Variants in KMT2E observed in about 807,000 individuals in gnomAD.
The protein encoded by KMT2E is lysine methyltransferase 2E (inactive), also known as histone reader KMT2E.
Under a neutral mutation model 184.6 loss-of-function variants are expected in KMT2E, and 30 were observed. The ratio of observed to expected loss-of-function variants is 0.16; its 90% CI spans 0.12 to 0.22. The LOEUF is 0.22. Ranked by LOEUF, KMT2E falls within the 10% of genes least tolerant of loss-of-function variation. The pLI is 1.00. For synonymous variants in KMT2E, 815 were observed against 776.5 expected (o/e 1.05, Z -0.82); for missense variants, 2,023 against 2,237.4 (o/e 0.90, Z 1.93).
intron 3 of KMT2E, among the ~76,000 whole-genome samples, chr7:105,042,419 T>C (rs1304054040): frequency 6.6e-6 from 1 of 152,260 alleles, no homozygotes; most frequent in African/African-American, 2.4e-5. Context: ...TATAATGTTC[T>C]GTAAGTGTTA....
At position 105,014,218 on chromosome 7, in the gene KMT2E, G is replaced by GA. The variant is rs1794611156; in HGVS notation, c.-506_-505insA. 5.0e-6 allele frequency: 1 copy of GA among 199,112 alleles called. No individual in the cohort carries two copies. The highest frequency in any genetic ancestry group is 9.7e-6 in the Non-Finnish European group (1 of 103,164). The allele number at this position is 199,112 out of a possible 1,614,324, so 12.3% of individuals were successfully genotyped here. ...CGCCATTTTCCCAGAGCGAGAGGCA[G>GA]TGACACTGAGCGGGCGCAGGGGGCC... is the stretch of plus-strand genomic sequence containing the variant. On this transcript the variant is annotated 5_prime_UTR_variant, in exon 1 of 27. It adds an upstream start codon to the 5' untranslated region. Transcript: ENST00000311117.
Position 105,016,772 on chromosome 7 carries a change from A to G in KMT2E, c.-189+2237A>G, listed in dbSNP as rs559446237. Among the ~76,000 whole-genome samples, 5 of 152,294 alleles carry G rather than the reference A, an allele frequency of 3.3e-5. No homozygotes were observed. The South Asian group carries it at 8.3e-4, about 25-fold the overall frequency. On this transcript the variant is annotated intron_variant, in intron 1 of 26. Coordinates refer to ENST00000311117, the MANE Select transcript of KMT2E (RefSeq NM_182931.3). ...AAGGTTGAAGAGTATACACTGTTTC[A>G]TGATTCTTTTATTCCATTGTAAATA...
At chr7:105,066,565 T>G (rs1035965524) in intron 5 of KMT2E, among the ~76,000 whole-genome samples, 162 bp from the exon 6 acceptor site, 1 of 152,166 alleles carries the variant, frequency 6.6e-6, no homozygotes, top group Non-Finnish European at 1.5e-5. Context: ...TCTCAAAATT[T>G]TATCGCCTTG....
At chr7:105,065,864 A>C (rs1040920371) in intron 5 of KMT2E, among the ~76,000 whole-genome samples, 1 of 152,206 alleles carries the variant, frequency 6.6e-6, no homozygotes, top group Non-Finnish European at 1.5e-5. Flanking sequence ...TTTTGGAGTC[A>C]GGCATATATA....
intron 4 of KMT2E, 151 bp from the exon 5 acceptor site, chr7:105,063,200 A>C (rs913536179): frequency 6.9e-6 from 4 of 577,022 alleles, no homozygotes; most frequent in Admixed American, 3.7e-5. Context: ...GGCTTCACCA[A>C]GTCATTTTTT....
intron 3 of KMT2E, among the ~76,000 whole-genome samples, chr7:105,052,989 C>T (rs1255484317): frequency 6.6e-6 from 1 of 152,134 alleles, no homozygotes; most frequent in Non-Finnish European, 1.5e-5. Context: ...GATAGAACTA[C>T]AGCTAAACGT....
intron 7 of KMT2E, among the ~76,000 whole-genome samples, chr7:105,074,000 T>A (rs892089692): frequency 1.3e-5 from 2 of 152,214 alleles, no homozygotes; most frequent in African/African-American, 4.8e-5. Context: ...AAAGATATGA[T>A]CCATTAGTTT....
intron 11 of KMT2E, 123 bp downstream of exon 11, chr7:105,077,556 C>A: frequency 1.4e-6 from 1 of 725,986 alleles, no homozygotes; most frequent in Non-Finnish European, 2.3e-6. Flanking sequence ...GTATTTAAAG[C>A]TGTAGTGTGG....
chr7:105,041,134 T>A, intron 3 of KMT2E, 111 bp downstream of exon 3: 1 of 584,984 alleles, frequency 1.7e-6, no homozygotes, highest in Non-Finnish European at 2.8e-6. Context: ...TTCCTAGCCA[T>A]TTTTTAAAGT....
intron 3 of KMT2E, among the ~76,000 whole-genome samples, chr7:105,047,396 C>T (rs113442058): frequency 0.022 from 3,340 of 152,288 alleles, 43 homozygotes; most frequent in Middle Eastern, 0.048. Flanking sequence ...CCTTGTAAGG[C>T]GGCCTTTCTA....
In KMT2E at chr7:105,113,049, G is replaced by T; in HGVS notation, c.5293G>T (p.Ala1765Ser). 1 of 1,613,988 alleles carries T rather than the reference G, an allele frequency of 6.2e-7. No homozygotes were observed. The highest frequency in any genetic ancestry group is 1.3e-5 in the African/African-American group (1 of 74,952). The stretch of plus-strand genomic sequence containing the variant: ...AACTGTACCACCGTATCCCTCACAA[G>T]CTACACATCATACCACTTTGGGACC... ...HPTVPPYPSQ[A>S]THHTTLGPGP... The change falls in exon 27 of 27, where the codon GCT becomes TCT. Residue 1765 changes from alanine to serine, a missense_variant. Transcript: ENST00000311117.
chr7:105,071,109 A>T (rs545706539), intron 6 of KMT2E, among the ~76,000 whole-genome samples: 40 of 152,098 alleles, frequency 2.6e-4, no homozygotes, highest in Non-Finnish European at 5.7e-4. Flanking sequence ...GAGTCTTCAC[A>T]TTTCTTTTCT....
chr7:105,110,717 AAC>A (rs1799196952), intron 25 of KMT2E, 52 bp from the exon 26 acceptor site: 9 of 1,583,642 alleles, frequency 5.7e-6, no homozygotes, highest in African/African-American at 2.7e-5. Context: ...GTGGTGTTAA[AAC>A]AGTGTTTATT....
chr7:105,037,486 C>G (rs1173698295), intron 1 of KMT2E, among the ~76,000 whole-genome samples: 25 of 152,174 alleles, frequency 1.6e-4, no homozygotes, highest in Non-Finnish European at 4.4e-5. Context: ...TCTCAGCCTC[C>G]CAAGTAACTG....
Position 105,110,142 on chromosome 7 carries a change from T to C in KMT2E, c.3756-138T>C. The C allele has an allele frequency of 5.6e-6, 4 of 714,626 alleles. No homozygotes were observed. The East Asian group carries it at 1.1e-4, about 19-fold the overall frequency. The allele number at this position is 714,626 out of a possible 1,614,324, so 44.3% of individuals were successfully genotyped here. A position where few individuals can be genotyped will look rare whatever the true frequency, so the allele number is the denominator to read the frequency against. On this transcript the variant is annotated intron_variant, in intron 23 of 26. Transcript: ENST00000311117. ...GCCACTGTGCCCTGCCAAGATTAAC[T>C]ATTTTCAAAGGTTAACACCAAAGTA...
intron 5 of KMT2E, 108 bp downstream of exon 5, chr7:105,063,688 T>C: frequency 1.1e-5 from 8 of 711,778 alleles, no homozygotes; most frequent in Non-Finnish European, 1.6e-5. Flanking sequence ...GGATACATAT[T>C]TTAAGTGGGA....
rs1562898146 is a variant in KMT2E, at chr7:105,059,975, G to GTTTTTTTTTTTT, written c.72-2187_72-2186insTTTTTTTTTTTT. Among the ~76,000 whole-genome samples, 20 of 45,610 alleles carry GTTTTTTTTTTTT rather than the reference G, an allele frequency of 4.4e-4. 1 individual carries two copies. Among genetic ancestry groups the GTTTTTTTTTTTT allele is most frequent in the South Asian group, 9.0e-4 (1 of 1,114 alleles). 29.9% of individuals were successfully genotyped at this position (45,610 alleles called of 152,430 possible). A position where few individuals can be genotyped will look rare whatever the true frequency, so the allele number is the denominator to read the frequency against. ...TTAGCTGAATATTGATTTTCTTGTT[G>GTTTTTTTTTTTT]TTGTTTTTTTTTTTTTTTTTTTTTT... On this transcript the variant is annotated intron_variant, in intron 3 of 26. Transcript: ENST00000311117.
chr7:105,097,540 C>T (rs890704011), intron 15 of KMT2E, among the ~76,000 whole-genome samples: 1 of 152,120 alleles, frequency 6.6e-6, no homozygotes, highest in Admixed American at 6.5e-5. Context: ...TGCCCACCAC[C>T]ACGCCTGGCT....
chr7:105,110,617 G>A lies in KMT2E; in HGVS notation c.3970+15G>A, dbSNP rs748532088. The A allele has an allele frequency of 7.4e-6, 12 of 1,613,840 alleles. No individual in the cohort carries two copies. The highest frequency in any genetic ancestry group is 1.3e-5 in the African/African-American group (1 of 74,922). ...ACTTATGGAAGGTCAGTAAGCAGAT[G>A]ACCGATAATGTTATTCTTAACAAAT... On this transcript the variant is annotated intron_variant, in intron 25 of 26. Coordinates refer to ENST00000311117, the MANE Select transcript of KMT2E (RefSeq NM_182931.3).
Sources: gnomAD v4.1 joint callset for allele counts (sites outside exome capture counted in the v4.1 genomes callset) on GRCh38, gnomAD v4.1.1 for gene constraint, MANE v1.5 for transcripts, NCBI Gene and HGNC (gene_info 2026-07-23, HGNC 2026-07-21) for gene names.